The following POLR1C variants were observed in gnomAD, a reference collection of about 807,000 sequenced individuals.
The protein encoded by POLR1C is DNA-directed RNA polymerases I and III subunit RPAC1.
Under a neutral mutation model 38.3 loss-of-function variants are expected in POLR1C, and 42 were observed. The observed-to-expected ratio is 1.10, with a 90% CI of 0.86 to 1.42. The LOEUF is 1.42. Ranked by LOEUF, POLR1C falls within the 40% of genes most tolerant of loss-of-function variation. POLR1C has a pLI of 0.00. For missense variants in POLR1C, 507 were observed against 450.5 expected, an observed-to-expected ratio of 1.13 and a Z score of -1.14; for synonymous variants, 163 against 163.9, an observed-to-expected ratio of 0.99 and a Z score of 0.04.
intron 9 of POLR1C, among the ~76,000 whole-genome samples, chr6:43,548,718 T>TTATATATA (rs1369068000): frequency 6.7e-6 from 1 of 150,026 alleles, no homozygotes; most frequent in South Asian, 2.1e-4. Flanking sequence ...TCAGCTTGTT[T>TTATATATA]TATATATATA....
intron 8 of POLR1C, chr6:43,527,850 G>T: frequency 9.4e-7 from 1 of 1,067,516 alleles, no homozygotes; most frequent in Non-Finnish European, 1.4e-6. Flanking sequence ...TTCGTTTTAT[G>T]CAAAAGTTGG....
At chr6:43,530,961 T>C (rs1793936950), downstream of POLR1C, 2 of 1,122,800 alleles carry the variant, frequency 1.8e-6, no homozygotes, top group African/African-American at 1.6e-5. Flanking sequence ...TTAAGAGAAC[T>C]TATAGATACA....
chr6:43,519,957 C>T (rs1188869583), intron 4 of POLR1C, 109 bp from the exon 5 acceptor site: 12 of 1,541,090 alleles, frequency 7.8e-6, no homozygotes, highest in African/African-American at 1.4e-5. Flanking sequence ...AGAACACTTG[C>T]CTTGTCTCCC....
chr6:43,530,722 G>A, downstream of POLR1C: 1 of 1,613,978 alleles, frequency 6.2e-7, no homozygotes, highest in Non-Finnish European at 8.5e-7. Flanking sequence ...CAGGAATATT[G>A]TTCAAGTTGA....
chr6:43,558,511 A>G, intron 10 of POLR1C: 1 of 1,600,614 alleles, frequency 6.2e-7, no homozygotes, highest in Non-Finnish European at 8.5e-7. Flanking sequence ...AGTTGAAGAA[A>G]GCATTGAAGT....
intron 9 of POLR1C, chr6:43,548,187 C>T (rs1168581145): frequency 1.0e-5 from 15 of 1,430,548 alleles, no homozygotes; most frequent in East Asian, 2.3e-5. Flanking sequence ...ACCCCTACCC[C>T]ACCCTGGGCC....
In POLR1C at chr6:43,520,318, T is replaced by C. The variant is rs763888907; in HGVS notation, c.546T>C (p.Ala182=). 2.4e-5 allele frequency: 38 copies of C among 1,613,158 alleles called. No individual in the cohort carries two copies. Among genetic ancestry groups the C allele is most frequent in the Non-Finnish European group, 3.1e-5 (36 of 1,180,036 alleles). Residue 182 remains alanine, a synonymous_variant, in exon 6 of 9, where the codon GCT becomes GCC. Transcript: ENST00000642195. ...HMTWIPLGNQ[A]DLFPEGTIRP... is the part of the protein sequence containing the mutation. ...CATGGATCCCCCTGGGGAACCAGGC[T>C]GATCTCTTTCCAGAGGGCACTATCC...
At chr6:43,524,512 G>A (rs1793422141), downstream of POLR1C, 2 of 1,613,824 alleles carry the variant, frequency 1.2e-6, no homozygotes, top group Non-Finnish European at 1.7e-6. Flanking sequence ...TGGTCCTTTC[G>A]GCGCTTGTCA....
intron 9 of POLR1C, chr6:43,539,003 C>G: frequency 6.5e-7 from 1 of 1,528,930 alleles, no homozygotes; most frequent in Non-Finnish European, 8.9e-7. Flanking sequence ...GGCGAAGTTG[C>G]CCAGGGTGGC....
intron 9 of POLR1C, among the ~76,000 whole-genome samples, chr6:43,535,921 A>G (rs1361643776): frequency 6.6e-6 from 1 of 151,632 alleles, no homozygotes; most frequent in Non-Finnish European, 1.5e-5. Flanking sequence ...CCAGGAGATC[A>G]AGACCAGCCT....
chr6:43,539,455 G>A (rs551080046), intron 9 of POLR1C: 1,286 of 1,573,642 alleles, frequency 8.2e-4, no homozygotes, highest in Non-Finnish European at 1.0e-3. Context: ...GCAGGGAGAA[G>A]AGATAGATCT....
chr6:43,524,514 C>T (rs1793422370), downstream of POLR1C: 14 of 1,613,900 alleles, frequency 8.7e-6, no homozygotes, highest in Non-Finnish European at 1.2e-5. Context: ...GTCCTTTCGG[C>T]GCTTGTCAGC....
chr6:43,520,657 A>G lies in POLR1C; in HGVS notation c.688A>G (p.Thr230Ala). The G allele has an allele frequency of 6.2e-7, 1 of 1,614,212 alleles. No individual in the cohort carries two copies. The highest frequency in any genetic ancestry group is 8.5e-7 in the Non-Finnish European group (1 of 1,180,024). Residue 230 changes from threonine to alanine, a missense_variant, in exon 7 of 9, where the codon ACA (threonine) becomes GCA (alanine). Physicochemically the swap from Thr to Ala is moderately conservative, Grantham distance 58 (BLOSUM62 0). Coordinates refer to ENST00000642195, the MANE Select transcript of POLR1C (RefSeq NM_203290.4). ...TCATGCCAAGTTTTCACCAGTGGCA[A>G]CAGCCAGTTACAGGCTCCTGCCAGA... ...KDHAKFSPVA[T>A]ASYRLLPDIT...
intron 10 of POLR1C, chr6:43,560,400 A>C: frequency 7.2e-7 from 1 of 1,397,518 alleles, no homozygotes; most frequent in East Asian, 2.5e-5. Flanking sequence ...TCATAGAAAT[A>C]AATCTGTACA....
intron 8 of POLR1C, 60 bp downstream of exon 8, chr6:43,521,108 G>A: frequency 6.2e-7 from 1 of 1,600,060 alleles, no homozygotes; most frequent in Non-Finnish European, 8.6e-7. Context: ...CTTCCTTCCA[G>A]TCTAGATGTG....
intron 10 of POLR1C, chr6:43,553,510 A>AACACACACACACACATACAC: frequency 6.7e-7 from 1 of 1,503,524 alleles, no homozygotes; most frequent in Non-Finnish European, 8.9e-7. Context: ...CAAGCTTTAA[A>AACACACACACACACATACAC]ACACACACAC....
At chr6:43,558,790 G>C (rs1262553348) in intron 10 of POLR1C, 6 of 477,170 alleles carry the variant, frequency 1.3e-5, no homozygotes, top group Non-Finnish European at 3.7e-6. Flanking sequence ...TGGTAGAAAA[G>C]AGAATACTTT....
At position 43,521,189 on chromosome 6, in the gene POLR1C, T is replaced by G; in HGVS notation, c.930T>G (p.Val310=). The G allele has an allele frequency of 6.2e-7, 1 of 1,614,136 alleles. No homozygotes were observed. Among genetic ancestry groups the G allele is most frequent in the Admixed American group, 1.7e-5 (1 of 60,026 alleles). The change falls in exon 9 of 9, where the codon GTT becomes GTG. Residue 310 remains valine (V), a synonymous_variant. Transcript: ENST00000642195. ...ARVRDHYIFS[V]ESTGVLPPDV... is the part of the protein sequence containing the mutation. ...TGTCTCTTTGGTCCCCAGTCTCTGT[T>G]GAGTCAACGGGGGTGTTGCCACCAG...
At chr6:43,543,627 A>T (rs9472074) in intron 9 of POLR1C, among the ~76,000 whole-genome samples, 28,599 of 151,994 alleles carry the variant, frequency 0.19, 5,753 homozygotes, top group African/African-American at 0.51. Flanking sequence ...TCACAAGTTA[A>T]GCCCTTTTCT....
Sources: gnomAD v4.1 joint callset for allele counts (sites outside exome capture counted in the v4.1 genomes callset) on GRCh38, gnomAD v4.1.1 for gene constraint, MANE v1.5 for transcripts, NCBI Gene and HGNC (gene_info 2026-07-23, HGNC 2026-07-21) for gene names.